The following VPS45 variants were observed in gnomAD, a reference collection of about 807,000 sequenced individuals.
The protein encoded by VPS45 is vacuolar protein sorting 45 homolog.
A neutral mutation model predicts 75.9 loss-of-function variants in VPS45; 35 were observed. The ratio of observed to expected loss-of-function variants is 0.46; its 90% CI spans 0.35 to 0.61. The LOEUF is 0.61. VPS45 is among the 20% of genes least tolerant of loss of function. The pLI is 0.00. For synonymous variants in VPS45, 220 were observed against 238.2 expected (o/e 0.92, Z 0.70); for missense variants, 559 against 685.9 (o/e 0.81, Z 2.07).
chr1:150,144,919 T>G lies in VPS45; in HGVS notation c.*123T>G. On this transcript the variant is annotated 3_prime_UTR_variant, in exon 15 of 15. Coordinates refer to ENST00000644510, the MANE Select transcript of VPS45 (RefSeq NM_007259.5). ...CTGGTTGTTAGAACTCATCTCCAGGTAGCCCACGGATACGTGGTTGGCACA... is the reference window on the plus strand; with the variant it reads ...CTGGTTGTTAGAACTCATCTCCAGGGAGCCCACGGATACGTGGTTGGCACA... The G allele has an allele frequency of 1.9e-6, 3 of 1,551,938 alleles. No homozygotes were observed. The highest frequency in any genetic ancestry group is 2.6e-6 in the Non-Finnish European group (3 of 1,152,804).
At chr1:150,077,345 G>C in intron 6 of VPS45, 114 bp downstream of exon 6, 2 of 1,342,958 alleles carry the variant, frequency 1.5e-6, no homozygotes, top group Non-Finnish European at 2.0e-6. Context: ...TGTATGTTAG[G>C]TTTCCGCGAA....
Position 150,144,786 on chromosome 1 carries a change from G to A in VPS45, c.1703G>A (p.Ser568Asn), listed in dbSNP as rs781956479. 1.2e-6 allele frequency: 2 copies of A among 1,614,174 alleles called. No homozygotes were observed. The highest frequency in any genetic ancestry group is 1.7e-6 in the Non-Finnish European group (2 of 1,180,038). ...TCTCAAGTCACATCAAGGTCAGCGA[G>A]CAGAAGATGAAACGGTGGTTGGGGG... ...ESSQVTSRSA[S>N]RR is the part of the protein sequence containing the mutation. Residue 568 changes from serine (S) to asparagine (N), a missense_variant, in exon 15 of 15, where the codon AGC becomes AAC. Physicochemically the swap from Ser to Asn is conservative, Grantham distance 46. Coordinates refer to ENST00000644510, the MANE Select transcript of VPS45 (RefSeq NM_007259.5).
intron 14 of VPS45, among the ~76,000 whole-genome samples, chr1:150,115,400 T>A (rs1553808050): frequency 6.6e-6 from 1 of 152,228 alleles, no homozygotes. Flanking sequence ...TTGCCTGATG[T>A]TTTTGTTAGT....
At chr1:150,137,915 C>A (rs868923158) in intron 14 of VPS45, among the ~76,000 whole-genome samples, 352 of 92,432 alleles carry the variant, frequency 3.8e-3, no homozygotes, top group African/African-American at 6.2e-3. Flanking sequence ...ACTCCGTCTC[C>A]AAAAAAAAAA....
intron 13 of VPS45, among the ~76,000 whole-genome samples, chr1:150,099,832 C>CA (rs1241681093): frequency 0.9 from 97,690 of 108,480 alleles, 44,283 homozygotes; most frequent in East Asian, 0.98. Context: ...GACTCCGTCT[C>CA]AAAAAAAAAA....
At chr1:150,131,465 C>G (rs1267560386) in intron 14 of VPS45, among the ~76,000 whole-genome samples, 1 of 151,960 alleles carries the variant, frequency 6.6e-6, no homozygotes, top group Non-Finnish European at 1.5e-5. Flanking sequence ...GAGACAAGAT[C>G]GCACCATTGC....
chr1:150,102,831 A>T (rs1364716072), intron 13 of VPS45, among the ~76,000 whole-genome samples: 1 of 152,204 alleles, frequency 6.6e-6, no homozygotes, highest in Non-Finnish European at 1.5e-5. Context: ...GAACTCAGGA[A>T]CACAGAAGGA....
At chr1:150,098,962 G>A (rs1183040744) in intron 13 of VPS45, 25 of 1,155,698 alleles carry the variant, frequency 2.2e-5, no homozygotes, top group Non-Finnish European at 2.6e-5. Flanking sequence ...TACTTTTCAT[G>A]TTTATACAAA....
At chr1:150,132,650 C>T (rs146041192) in intron 14 of VPS45, among the ~76,000 whole-genome samples, 3 of 152,272 alleles carry the variant, frequency 2.0e-5, no homozygotes, top group African/African-American at 7.2e-5. Flanking sequence ...GAACCTGTTA[C>T]TTATAAATCA....
chr1:150,106,685 G>A (rs587714644), intron 13 of VPS45, among the ~76,000 whole-genome samples: 9 of 152,042 alleles, frequency 5.9e-5, no homozygotes, highest in African/African-American at 9.7e-5. Flanking sequence ...CTTCTCTGCC[G>A]ACTTCTTTTC....
Position 150,081,434 on chromosome 1 carries a change from A to G in VPS45, c.780A>G (p.Arg260=), listed in dbSNP as rs1301783999. The change falls in exon 8 of 15, where the codon AGA becomes AGG. Residue 260 remains arginine (R), a synonymous_variant. Coordinates refer to ENST00000644510, the MANE Select transcript of VPS45 (RefSeq NM_007259.5). ...SRVPGISKDL[R]EVVLSAENDE... is the part of the protein sequence containing the mutation. ...TGCCGGGAATCAGTAAAGACTTAAG[A>G]GAAGTGGTCCTATCTGCTGAAAATG... 5 of 1,602,236 alleles carry G rather than the reference A, an allele frequency of 3.1e-6. No homozygotes were observed. Among genetic ancestry groups the G allele is most frequent in the Non-Finnish European group, 4.2e-6 (5 of 1,177,206 alleles).
intron 14 of VPS45, among the ~76,000 whole-genome samples, chr1:150,120,089 C>A (rs1553809282): frequency 7.3e-6 from 1 of 136,450 alleles, no homozygotes; most frequent in African/African-American, 2.7e-5. Flanking sequence ...GCCTGGGCAA[C>A]AAGAGTGAAA....
At chr1:150,139,652 C>T (rs1659281532) in intron 14 of VPS45, among the ~76,000 whole-genome samples, 1 of 152,070 alleles carries the variant, frequency 6.6e-6, no homozygotes, top group Non-Finnish European at 1.5e-5. Context: ...GGCTCATGCT[C>T]AAGTGATCTT....
chr1:150,144,554 A>C (rs1302510418), intron 14 of VPS45, among the ~76,000 whole-genome samples, 155 bp from the exon 15 acceptor site: 3 of 152,090 alleles, frequency 2.0e-5, no homozygotes, highest in African/African-American at 7.2e-5. Flanking sequence ...TGTAGTGCTC[A>C]ACTGATGCTT....
intron 14 of VPS45, among the ~76,000 whole-genome samples, chr1:150,128,973 T>A (rs1164451628): frequency 1.4e-5 from 2 of 145,504 alleles, no homozygotes; most frequent in African/African-American, 5.6e-5. Context: ...GATCTCCTGA[T>A]CTCGTGATCT....
chr1:150,092,305 G>C lies in VPS45; in HGVS notation c.1267G>C (p.Val423Leu), dbSNP rs201002467. Residue 423 changes from valine (V) to leucine (L), a missense_variant, in exon 12 of 15, where the codon GTG (valine) becomes CTG (leucine). By Grantham distance (32) the Val-to-Leu change is conservative. Transcript: ENST00000644510. Reference sequence around the variant, plus strand: ...ATTTGCTTCTCTTTCTTAATAGCTCGTGTCTGCAGTTGTTGAATATGGTGG... The same window carrying C: ...ATTTGCTTCTCTTTCTTAATAGCTCCTGTCTGCAGTTGTTGAATATGGTGG... ...KGVSEKYRKLVSAVVEYGGKR... is the reference protein window; with the variant it reads ...KGVSEKYRKLLSAVVEYGGKR... 4.0e-5 allele frequency: 64 copies of C among 1,613,234 alleles called. No homozygotes were observed. Among genetic ancestry groups the C allele is most frequent in the Non-Finnish European group, 4.9e-5 (58 of 1,179,648 alleles).
chr1:150,107,358 G>T (rs782632927), intron 13 of VPS45, among the ~76,000 whole-genome samples: 5 of 152,074 alleles, frequency 3.3e-5, no homozygotes, highest in Non-Finnish European at 7.4e-5. Context: ...ACCAAAACCA[G>T]AAAACAAAGT....
intron 13 of VPS45, chr1:150,098,810 ATACCC>A (rs1407882742): frequency 8.4e-7 from 1 of 1,191,812 alleles, no homozygotes; most frequent in African/African-American, 1.6e-5. Flanking sequence ...GGATTCTTGC[ATACCC>A]TATTTTTCAA....
chr1:150,099,126 C>A, intron 13 of VPS45: 1 of 911,962 alleles, frequency 1.1e-6, no homozygotes, highest in Non-Finnish European at 1.3e-6. Flanking sequence ...GTGTAATGCT[C>A]CACAAAATAG....
Sources: gnomAD v4.1 joint callset for allele counts (sites outside exome capture counted in the v4.1 genomes callset) on GRCh38, gnomAD v4.1.1 for gene constraint, MANE v1.5 for transcripts, NCBI Gene and HGNC (gene_info 2026-07-23, HGNC 2026-07-21) for gene names.